The following FANCC variants were observed in gnomAD, a reference collection of about 807,000 sequenced individuals.
FANCC encodes the protein Fanconi anemia group C protein.
Under a neutral mutation model 71.3 loss-of-function variants are expected in FANCC, and 55 were observed. That is an observed-to-expected ratio of 0.77 (90% CI 0.62 to 0.97). The LOEUF (loss-of-function observed/expected upper bound fraction) is 0.97, where lower values mean the gene tolerates loss of function less well. FANCC is among the 50% of genes least tolerant of loss of function. The pLI is 0.00. For synonymous variants in FANCC, 275 were observed against 244.9 expected (o/e 1.12, Z -1.15); for missense variants, 678 against 670.9 (o/e 1.01, Z -0.12).
intron 1 of FANCC, among the ~76,000 whole-genome samples, chr9:95,253,350 G>C (rs1831468049): frequency 6.6e-6 from 1 of 152,134 alleles, no homozygotes; most frequent in Non-Finnish European, 1.5e-5. Context: ...TCTGAGTCTT[G>C]ACAGGTAGAA....
chr9:95,194,454 T>C (rs1015835484), intron 4 of FANCC, among the ~76,000 whole-genome samples: 11 of 152,198 alleles, frequency 7.2e-5, no homozygotes, highest in Non-Finnish European at 1.2e-4. Context: ...TCCACAGCCA[T>C]GTTCCTACCA....
chr9:95,101,636 G>GTCA lies in FANCC; in HGVS notation c.*68_*70dup. 1 of 1,596,550 alleles carries GTCA rather than the reference G, an allele frequency of 6.3e-7. No individual in the cohort carries two copies. The highest frequency in any genetic ancestry group is 8.5e-7 in the Non-Finnish European group (1 of 1,170,590). On this transcript the variant is annotated 3_prime_UTR_variant, in exon 15 of 15. Transcript: ENST00000289081. ...TTACTCCACAAATGCGTGGCCACAG[G>GTCA]TCATCACCTGTCCTGTGGCCCTGGC...
intron 4 of FANCC, among the ~76,000 whole-genome samples, chr9:95,175,069 C>T (rs1825928187): frequency 6.6e-6 from 1 of 152,136 alleles, no homozygotes; most frequent in Admixed American, 6.5e-5. Context: ...CTGGGGGAAA[C>T]TCTACCCTGA....
At chr9:95,101,872 A>AG in intron 14 of FANCC, 22 bp from the exon 15 acceptor site, 1 of 1,613,604 alleles carries the variant, frequency 6.2e-7, no homozygotes, top group Non-Finnish European at 8.5e-7. Flanking sequence ...ACAGAAGAGA[A>AG]GGCAAATTAA....
At chr9:95,158,783 C>G (rs1830583066) in intron 6 of FANCC, among the ~76,000 whole-genome samples, 1 of 152,272 alleles carries the variant, frequency 6.6e-6, no homozygotes, top group African/African-American at 2.4e-5. Flanking sequence ...TTGGTCTCTG[C>G]CCGAGGGATG....
intron 4 of FANCC, among the ~76,000 whole-genome samples, chr9:95,204,912 A>G (rs1251272047): frequency 6.6e-6 from 1 of 152,236 alleles, no homozygotes; most frequent in Non-Finnish European, 1.5e-5. Context: ...AGGGAGCCCA[A>G]AATAGCTTCA....
intron 6 of FANCC, among the ~76,000 whole-genome samples, chr9:95,164,328 T>C (rs940439856): frequency 6.6e-6 from 1 of 152,200 alleles, no homozygotes; most frequent in Non-Finnish European, 1.5e-5. Flanking sequence ...GATACTATAT[T>C]AAATACAAGT....
intron 3 of FANCC, among the ~76,000 whole-genome samples, chr9:95,245,110 T>A (rs575224023): frequency 6.6e-6 from 1 of 152,164 alleles, no homozygotes; most frequent in African/African-American, 2.4e-5. Flanking sequence ...GGACGTAATA[T>A]TTCTTTCTTT....
At chr9:95,292,893 T>C (rs1024639595) in intron 1 of FANCC, 1 of 1,584,298 alleles carries the variant, frequency 6.3e-7, no homozygotes. Flanking sequence ...TGCAGAGGAC[T>C]GTGGCAAGAC....
chr9:95,223,386 C>T (rs963305309), intron 4 of FANCC, among the ~76,000 whole-genome samples: 2 of 152,142 alleles, frequency 1.3e-5, no homozygotes, highest in African/African-American at 4.8e-5. Context: ...TAGCATTCTC[C>T]CTGTGTGCAT....
At chr9:95,128,909 CTTTT>C (rs756314206) in intron 8 of FANCC, among the ~76,000 whole-genome samples, 1 of 144,740 alleles carries the variant, frequency 6.9e-6, no homozygotes, top group African/African-American at 2.5e-5. Context: ...AACCAGTCTC[CTTTT>C]TTTTTTTTTT....
At chr9:95,225,783 T>C (rs1588310651) in intron 4 of FANCC, among the ~76,000 whole-genome samples, 3 of 152,274 alleles carry the variant, frequency 2.0e-5, no homozygotes, top group African/African-American at 7.2e-5. Context: ...CAAACAAAAT[T>C]AAAACCTACC....
intron 4 of FANCC, among the ~76,000 whole-genome samples, chr9:95,233,734 G>A (rs1830140772): frequency 6.6e-6 from 1 of 152,208 alleles, no homozygotes; most frequent in Non-Finnish European, 1.5e-5. Context: ...TAAAGTTGGG[G>A]TGTGTACTCC....
chr9:95,101,051 C>T lies in FANCC; in HGVS notation c.*656G>A, dbSNP rs1452427818. The T allele has an allele frequency of 1.3e-5, 3 of 234,302 alleles. No homozygotes were observed. Among genetic ancestry groups the T allele is most frequent in the Non-Finnish European group, 2.5e-5 (3 of 118,786 alleles). 14.5% of individuals were successfully genotyped at this position (234,302 alleles called of 1,614,324 possible). A position where few individuals can be genotyped will look rare whatever the true frequency, so the allele number is the denominator to read the frequency against. On this transcript the variant is annotated 3_prime_UTR_variant, in exon 15 of 15. Transcript: ENST00000289081. ...CATCCTCTACCTTCGCCTGCCGGCT[C>T]CTCTGATGTCCCAAGGGCCTTTTGG...
intron 1 of FANCC, among the ~76,000 whole-genome samples, chr9:95,272,558 G>A (rs1051414188): frequency 2.0e-5 from 3 of 152,020 alleles, no homozygotes; most frequent in Admixed American, 6.6e-5. Context: ...TTAGTTGGGC[G>A]TGGTGTCATA....
At chr9:95,278,821 C>T (rs1027140784) in intron 1 of FANCC, among the ~76,000 whole-genome samples, 3 of 21,512 alleles carry the variant, frequency 1.4e-4, no homozygotes, top group East Asian at 2.9e-3. Context: ...TCTAGAGTAG[C>T]CACTAAAAAA....
intron 8 of FANCC, among the ~76,000 whole-genome samples, chr9:95,130,305 A>T (rs909096274): frequency 8.6e-5 from 13 of 151,794 alleles, no homozygotes; most frequent in East Asian, 1.9e-4. Context: ...TGTGTGAGAG[A>T]GAGAGAGAGA....
At chr9:95,116,808 A>G (rs1588068946) in intron 11 of FANCC, among the ~76,000 whole-genome samples, 1 of 152,326 alleles carries the variant, frequency 6.6e-6, no homozygotes, top group East Asian at 1.9e-4. Context: ...ATATCAGGAG[A>G]GGCTGTGGAT....
chr9:95,249,081 T>C, intron 2 of FANCC, 46 bp downstream of exon 2: 2 of 1,599,054 alleles, frequency 1.3e-6, no homozygotes, highest in East Asian at 2.2e-5. Context: ...TCTGGTAGAG[T>C]CCCTGAAGTC....
Sources: gnomAD v4.1 joint callset for allele counts (sites outside exome capture counted in the v4.1 genomes callset) on GRCh38, gnomAD v4.1.1 for gene constraint, MANE v1.5 for transcripts, NCBI Gene and HGNC (gene_info 2026-07-23, HGNC 2026-07-21) for gene names.